Variants in DYNC2H1 observed in about 807,000 individuals in gnomAD.
DYNC2H1 encodes the protein cytoplasmic dynein 2 heavy chain 1.
A neutral mutation model predicts 570.0 loss-of-function variants in DYNC2H1; 410 were observed. The ratio of observed to expected loss-of-function variants is 0.72; its 90% CI spans 0.66 to 0.78. The LOEUF (loss-of-function observed/expected upper bound fraction) is 0.78. Ranked by LOEUF, DYNC2H1 falls within the 30% of genes least tolerant of loss-of-function variation. The pLI is 0.00. For missense variants in DYNC2H1, 4,865 were observed against 5,046.4 expected (o/e 0.96, Z 1.09); for synonymous variants, 1,688 against 1,677.6 (o/e 1.01, Z -0.15).
At chr11:103,250,062 C>T (rs1177825420) in intron 65 of DYNC2H1, among the ~76,000 whole-genome samples, 3 of 152,032 alleles carry the variant, frequency 2.0e-5, no homozygotes, top group African/African-American at 7.2e-5. Flanking sequence ...AGCTGGTAAA[C>T]GTGAGCTATG....
At chr11:103,300,920 A>G (rs1372864488) in intron 75 of DYNC2H1, among the ~76,000 whole-genome samples, 2 of 151,850 alleles carry the variant, frequency 1.3e-5, no homozygotes, top group African/African-American at 4.8e-5. Context: ...TTTTAAATGT[A>G]AATATTTTAT....
At chr11:103,443,537 T>A (rs1331626156) in intron 85 of DYNC2H1, among the ~76,000 whole-genome samples, 2 of 151,902 alleles carry the variant, frequency 1.3e-5, no homozygotes, top group Non-Finnish European at 2.9e-5. Flanking sequence ...AAGAAAATAT[T>A]TTTTAGTAAT....
intron 78 of DYNC2H1, among the ~76,000 whole-genome samples, chr11:103,309,725 A>G (rs1226054623): frequency 6.6e-6 from 1 of 152,112 alleles, no homozygotes; most frequent in Non-Finnish European, 1.5e-5. Flanking sequence ...ACTGGATTGC[A>G]TGAGCCATGA....
intron 84 of DYNC2H1, chr11:103,405,817 A>C (rs1340026895): frequency 6.6e-6 from 1 of 151,992 alleles, no homozygotes; most frequent in Non-Finnish European, 1.5e-5. Context: ...AGTTGAAAAC[A>C]ATCAATGATT....
In DYNC2H1 at chr11:103,363,959, A is replaced by T. The variant is rs977489588; in HGVS notation, c.12156+5600A>T. Among the ~76,000 whole-genome samples the T allele has an allele frequency of 3.9e-5, 6 of 152,178 alleles. No individual in the cohort carries two copies. Among genetic ancestry groups the T allele is most frequent in the African/African-American group, 1.2e-4 (5 of 41,442 alleles). ...CCAATGTAATAGGAGTCTTTTTTCC[A>T]TATGAGGACCTTGAAGCTCCATAAG... On this transcript the variant is annotated intron_variant, in intron 83 of 88. Transcript: ENST00000375735. This position sits in a 1 kb window ranked among gnomAD's most constrained non-coding sequence, Gnocchi z 5.6.
In DYNC2H1 at chr11:103,158,695, C is replaced by A. The variant is rs760951276; in HGVS notation, c.4146C>A (p.Ile1382=). 5.9e-6 allele frequency: 9 copies of A among 1,521,150 alleles called. No individual in the cohort carries two copies. Among genetic ancestry groups the A allele is most frequent in the Non-Finnish European group, 7.1e-6 (8 of 1,128,644 alleles). The allele number at this position is 1,521,150 out of a possible 1,614,324, so 94.2% of individuals were successfully genotyped here. Residue 1382 remains isoleucine, a synonymous_variant, in exon 27 of 89, where the codon ATC becomes ATA. Transcript: ENST00000375735. ...DEDFRSIMTD[I]KKDNRVTTLT... ...TTTGTAGATCAATAATGACTGATAT[C>A]AAGAAAGACAATAGAGTCACAACAT...
intron 18 of DYNC2H1, among the ~76,000 whole-genome samples, chr11:103,144,736 G>C (rs768492964): frequency 1.3e-5 from 2 of 152,010 alleles, no homozygotes; most frequent in Admixed American, 1.3e-4. Context: ...CTTTTAAAGG[G>C]TTCTAAACAG....
chr11:103,130,405 A>C (rs560658329), intron 13 of DYNC2H1, among the ~76,000 whole-genome samples: 2 of 152,208 alleles, frequency 1.3e-5, no homozygotes, highest in African/African-American at 4.8e-5. Context: ...TCTTTTCTGC[A>C]CACTAGTTCT....
intron 88 of DYNC2H1, among the ~76,000 whole-genome samples, chr11:103,477,488 T>C (rs991896185): frequency 2.6e-5 from 4 of 152,186 alleles, no homozygotes; most frequent in African/African-American, 9.7e-5. Context: ...TGTTTTTCTT[T>C]TAAAAATACA....
Position 103,204,967 on chromosome 11 carries a change from A to G in DYNC2H1, c.8454+3A>G, listed in dbSNP as rs778023537. Reference sequence around the variant, plus strand: ...GGTCCAATAGCAGTATGAAGAAAGTAAGTTTAACAAATATTAAAAAATTTA... The same window carrying G: ...GGTCCAATAGCAGTATGAAGAAAGTGAGTTTAACAAATATTAAAAAATTTA... On this transcript the variant is annotated splice_donor_region_variant and intron_variant, in intron 52 of 88. Transcript: ENST00000375735. The surrounding 1 kb of genome is among the most constrained non-coding windows in gnomAD (Gnocchi z 4.1). 8.4e-6 allele frequency: 13 copies of G among 1,547,352 alleles called. No individual in the cohort carries two copies. The highest frequency in any genetic ancestry group is 1.4e-5 in the African/African-American group (1 of 72,342).
At chr11:103,230,094 G>T (rs1470598486) in intron 59 of DYNC2H1, among the ~76,000 whole-genome samples, 8 of 152,142 alleles carry the variant, frequency 5.3e-5, no homozygotes, top group African/African-American at 1.7e-4. Context: ...GGTAATTTTG[G>T]TGTACACTGA....
intron 77 of DYNC2H1, among the ~76,000 whole-genome samples, chr11:103,306,524 C>A (rs1867290854): frequency 6.6e-6 from 1 of 151,712 alleles, no homozygotes; most frequent in African/African-American, 2.4e-5. Context: ...TTTCTTTTAC[C>A]TTTTAAATTT....
At chr11:103,317,835 A>G (rs967885677) in intron 80 of DYNC2H1, among the ~76,000 whole-genome samples, 13 of 151,750 alleles carry the variant, frequency 8.6e-5, no homozygotes, top group African/African-American at 2.9e-4. Context: ...ATCCCTTTGT[A>G]TTGTCATATT....
At chr11:103,376,175 T>G (rs1255577804) in intron 83 of DYNC2H1, among the ~76,000 whole-genome samples, 1 of 152,208 alleles carries the variant, frequency 6.6e-6, no homozygotes, top group Non-Finnish European at 1.5e-5. Context: ...CGGCCATGAT[T>G]GTAAATTTCC....
intron 83 of DYNC2H1, among the ~76,000 whole-genome samples, chr11:103,375,179 G>T (rs960859950): frequency 3.3e-5 from 5 of 152,220 alleles, no homozygotes; most frequent in African/African-American, 1.2e-4. Flanking sequence ...TCCACATGGT[G>T]TTGGGCCTGT....
intron 70 of DYNC2H1, among the ~76,000 whole-genome samples, chr11:103,260,368 GCCTT>G (rs2135274365): frequency 1.3e-5 from 2 of 152,288 alleles, no homozygotes; most frequent in South Asian, 4.1e-4. Context: ...CAGCATCTCT[GCCTT>G]CCAGCATTCC....
Position 103,283,023 on chromosome 11 carries a change from A to G in DYNC2H1, c.10828A>G (p.Ile3610Val), listed in dbSNP as rs1866204744. The G allele has an allele frequency of 1.9e-6, 3 of 1,602,898 alleles. No homozygotes were observed. The highest frequency in any genetic ancestry group is 3.4e-5 in the Admixed American group (2 of 59,024). The change falls in exon 73 of 89, where the codon ATA becomes GTA. Residue 3610 changes from isoleucine to valine, a missense_variant. Physicochemically the swap from Ile to Val is conservative, Grantham distance 29. Coordinates refer to ENST00000375735, the MANE Select transcript of DYNC2H1 (RefSeq NM_001377.3). ...MLRKADSQQK[I>V]RDQLPSWIDQ... ...TTTATTAAAGGACTCTCAACAAAAA[A>G]TACGTGATCAGCTTCCGTCTTGGAT...
intron 72 of DYNC2H1, among the ~76,000 whole-genome samples, 160 bp from the exon 73 acceptor site, chr11:103,282,848 A>G (rs1200560399): frequency 6.6e-6 from 1 of 152,136 alleles, no homozygotes; most frequent in African/African-American, 2.4e-5. Context: ...CTTATGTTAC[A>G]TAGAATTTTA....
At position 103,151,294 on chromosome 11, in the gene DYNC2H1, G is replaced by T. The variant is rs756546679; in HGVS notation, c.2947-842G>T. On this transcript the variant is annotated intron_variant, in intron 20 of 88. Coordinates refer to ENST00000375735, the MANE Select transcript of DYNC2H1 (RefSeq NM_001377.3). The surrounding 1 kb of genome is among the most constrained non-coding windows in gnomAD (Gnocchi z 4.6). ...TTAAAATATATTTTTTTAGAGATGC[G>T]TTCTCACTATGTTGCTTAGGTTAAT... Among the ~76,000 whole-genome samples, 1 of 151,970 alleles carries T rather than the reference G, an allele frequency of 6.6e-6. No homozygotes were observed. The highest frequency in any genetic ancestry group is 2.4e-5 in the African/African-American group (1 of 41,370).
Sources: allele counts gnomAD v4.1 joint callset (sites outside exome capture counted in the v4.1 genomes callset), GRCh38; gene constraint gnomAD v4.1.1; non-coding constraint Gnocchi (gnomAD v3.1); transcripts MANE v1.5; gene names NCBI Gene and HGNC (gene_info 2026-07-23, HGNC 2026-07-21).